GPBP1: variants seen among roughly 807,000 people sequenced by gnomAD.
The protein encoded by GPBP1 is vasculin.
GPBP1 carries 13 observed loss-of-function variants against 56.5 expected under a neutral mutation model. That is an observed-to-expected ratio of 0.23 (90% CI 0.15 to 0.37). The LOEUF (loss-of-function observed/expected upper bound fraction) is 0.37, where lower values mean the gene tolerates loss of function less well. Ranked by LOEUF, GPBP1 falls within the 10% of genes least tolerant of loss-of-function variation. GPBP1 has a pLI of 1.00. For synonymous variants in GPBP1, 204 were observed against 188.9 expected (o/e 1.08, Z -0.66); for missense variants, 477 against 572.3 (o/e 0.83, Z 1.70).
rs143695142 is a variant in GPBP1, at chr5:57,193,677, G to A, written c.-58+17277G>A. 1.5e-3 allele frequency among the ~76,000 whole-genome samples: 218 copies of A among 149,512 alleles called. 2 individuals carry two copies. The highest frequency in any genetic ancestry group is 0.011 in the Middle Eastern group (3 of 282). On this transcript the variant is annotated intron_variant, in intron 2 of 11. Transcript: ENST00000506184. ...TGTCTTTGTTAGTGCTATCTGGTTC[G>A]TAGGATTAGGCGTGTTTAAAAAATT...
intron 6 of GPBP1, chr5:57,237,061 A>G: frequency 8.2e-7 from 1 of 1,225,822 alleles, no homozygotes; most frequent in Non-Finnish European, 1.2e-6. Flanking sequence ...AACCATGTGA[A>G]TGGCATTGTT....
chr5:57,249,109 CTGTG>C, intron 8 of GPBP1: 1 of 214,798 alleles, frequency 4.7e-6, no homozygotes, highest in South Asian at 1.1e-4. Context: ...AGCTGCTCTT[CTGTG>C]TATTATAGAA....
chr5:57,196,105 T>C lies in GPBP1; in HGVS notation c.-57-17969T>C, dbSNP rs138333204. Among the ~76,000 whole-genome samples the C allele has an allele frequency of 4.0e-3, 608 of 152,014 alleles. 5 individuals are homozygous for C. The highest frequency in any genetic ancestry group is 4.7e-3 in the Non-Finnish European group (318 of 67,978). On this transcript the variant is annotated intron_variant, in intron 2 of 11. Transcript: ENST00000506184. ...TCCTTTTCCATATGATGGTTACTTC[T>C]TGTCAGTGTTTTCTATCTCTGCCTA...
At chr5:57,182,345 A>G (rs1754086670) in intron 2 of GPBP1, among the ~76,000 whole-genome samples, 1 of 147,406 alleles carries the variant, frequency 6.8e-6, no homozygotes, top group African/African-American at 2.5e-5. Flanking sequence ...CAGCCTCCCA[A>G]AGTGCTGGGA....
intron 6 of GPBP1, among the ~76,000 whole-genome samples, chr5:57,244,412 C>G (rs78374048): frequency 0.027 from 4,071 of 152,250 alleles, 122 homozygotes; most frequent in East Asian, 0.13. Context: ...CCACATTGAA[C>G]TAGAAGTCTC....
At chr5:57,254,737 C>T (rs1741568713) in intron 10 of GPBP1, among the ~76,000 whole-genome samples, 1 of 151,292 alleles carries the variant, frequency 6.6e-6, no homozygotes, top group Admixed American at 6.6e-5. Context: ...GGACCTTTCT[C>T]CTAAAATAAT....
At chr5:57,259,515 G>C (rs1010389524) in intron 10 of GPBP1, among the ~76,000 whole-genome samples, 7 of 152,204 alleles carry the variant, frequency 4.6e-5, no homozygotes, top group Non-Finnish European at 8.8e-5. Flanking sequence ...TGTAAGCAAT[G>C]ATAGCAGTCA....
At chr5:57,200,969 T>C (rs1300276712) in intron 2 of GPBP1, among the ~76,000 whole-genome samples, 1 of 151,788 alleles carries the variant, frequency 6.6e-6, no homozygotes, top group Non-Finnish European at 1.5e-5. Flanking sequence ...CAAGCCACCA[T>C]GCCTGGCCCA....
chr5:57,223,924 C>T (rs1286586889), intron 3 of GPBP1, among the ~76,000 whole-genome samples: 4 of 151,834 alleles, frequency 2.6e-5, no homozygotes, highest in Non-Finnish European at 5.9e-5. Context: ...AGCTCTGCCT[C>T]CTGGGTTCAT....
At chr5:57,185,787 C>T (rs935502446) in intron 2 of GPBP1, among the ~76,000 whole-genome samples, 1 of 151,822 alleles carries the variant, frequency 6.6e-6, no homozygotes, top group Non-Finnish European at 1.5e-5. Flanking sequence ...ATCGCTTGAG[C>T]CCAGGAGTTC....
At chr5:57,206,605 C>T (rs1367366752) in intron 2 of GPBP1, among the ~76,000 whole-genome samples, 1 of 151,988 alleles carries the variant, frequency 6.6e-6, no homozygotes, top group African/African-American at 2.4e-5. Flanking sequence ...GACTCCTGAC[C>T]TCAAGCGATC....
At chr5:57,216,709 A>G (rs6869334) in intron 3 of GPBP1, among the ~76,000 whole-genome samples, 92,655 of 152,042 alleles carry the variant, frequency 0.61, 28,549 homozygotes, top group East Asian at 0.89. Flanking sequence ...AACAAAAAAC[A>G]CTAAAAGTCT....
chr5:57,261,744 A>G (rs1162397720), intron 11 of GPBP1, among the ~76,000 whole-genome samples: 1 of 152,136 alleles, frequency 6.6e-6, no homozygotes, highest in Non-Finnish European at 1.5e-5. Flanking sequence ...AAGTAACTTC[A>G]TCTTTTATCC....
chr5:57,174,558 C>G (rs1753711643), intron 1 of GPBP1, among the ~76,000 whole-genome samples: 1 of 152,168 alleles, frequency 6.6e-6, no homozygotes. Flanking sequence ...TTGCACACGC[C>G]CGCCTGGTTT....
At chr5:57,209,876 GA>G (rs2111742117) in intron 2 of GPBP1, among the ~76,000 whole-genome samples, 1 of 152,242 alleles carries the variant, frequency 6.6e-6, no homozygotes, top group Non-Finnish European at 1.5e-5. Context: ...TATGCTGCTA[GA>G]TTTGGTTTAC....
intron 2 of GPBP1, among the ~76,000 whole-genome samples, chr5:57,207,632 T>C (rs1323293177): frequency 6.6e-6 from 1 of 152,184 alleles, no homozygotes; most frequent in Non-Finnish European, 1.5e-5. Flanking sequence ...TTTTTTGCCT[T>C]GGTGTATGGG....
At position 57,262,776 on chromosome 5, in the gene GPBP1, A is replaced by G; in HGVS notation, c.*24A>G. 6.2e-7 allele frequency: 1 copy of G among 1,602,070 alleles called. No homozygotes were observed. The highest frequency in any genetic ancestry group is 1.1e-5 in the South Asian group (1 of 90,454). ...GAAGGATTTCCTAACAGCTTTAGAAATCTTAGTGTGATACATCTCTCATAC... is the reference window on the plus strand; with the variant it reads ...GAAGGATTTCCTAACAGCTTTAGAAGTCTTAGTGTGATACATCTCTCATAC... On this transcript the variant is annotated 3_prime_UTR_variant, in exon 12 of 12. Transcript: ENST00000506184.
intron 2 of GPBP1, among the ~76,000 whole-genome samples, chr5:57,209,951 T>G (rs1580008790): frequency 6.6e-6 from 1 of 152,168 alleles, no homozygotes; most frequent in Non-Finnish European, 1.5e-5. Context: ...TAGCTATTGG[T>G]TGATTTTGGG....
At chr5:57,252,053 C>CAT (rs1741416676) in intron 10 of GPBP1, among the ~76,000 whole-genome samples, 1 of 152,090 alleles carries the variant, frequency 6.6e-6, no homozygotes, top group African/African-American at 2.4e-5. Flanking sequence ...GTATAAGTCT[C>CAT]ATATATGATT....
Sources: gnomAD v4.1 joint callset for allele counts (sites outside exome capture counted in the v4.1 genomes callset) on GRCh38, gnomAD v4.1.1 for gene constraint, MANE v1.5 for transcripts, NCBI Gene and HGNC (gene_info 2026-07-23, HGNC 2026-07-21) for gene names.